Variants in ATP11B observed in about 807,000 individuals in gnomAD.
The protein encoded by ATP11B is ATPase phospholipid transporting 11B (putative).
ATP11B carries 81 observed loss-of-function variants against 157.8 expected under a neutral mutation model. The observed-to-expected ratio is 0.51, with a 90% CI of 0.43 to 0.62. The LOEUF is 0.62. Among genes scored for constraint, ATP11B ranks in the 20% least tolerant of loss-of-function variants. The pLI is 0.00. For missense variants in ATP11B, 1,165 were observed against 1,402.2 expected, an observed-to-expected ratio of 0.83 and a Z score of 2.70; for synonymous variants, 451 against 469.4, an observed-to-expected ratio of 0.96 and a Z score of 0.51.
chr3:182,821,195 T>A (rs1226736440), intron 2 of ATP11B, among the ~76,000 whole-genome samples: 1 of 152,132 alleles, frequency 6.6e-6, no homozygotes, highest in Non-Finnish European at 1.5e-5. Flanking sequence ...TTGCAACCTC[T>A]GCCTCTCGGG....
At chr3:182,894,536 A>G (rs960458104) in intron 25 of ATP11B, among the ~76,000 whole-genome samples, 7 of 152,176 alleles carry the variant, frequency 4.6e-5, no homozygotes, top group African/African-American at 1.4e-4. Flanking sequence ...CACTCACATT[A>G]TCACCTACCA....
intron 7 of ATP11B, among the ~76,000 whole-genome samples, chr3:182,841,105 G>C (rs373706270): frequency 6.6e-6 from 1 of 151,910 alleles, no homozygotes; most frequent in Non-Finnish European, 1.5e-5. Flanking sequence ...CTCCCACCTG[G>C]TCACTAGACC....
chr3:182,870,859 C>T (rs1462218081), intron 17 of ATP11B, among the ~76,000 whole-genome samples: 10 of 147,566 alleles, frequency 6.8e-5, no homozygotes, highest in African/African-American at 1.5e-4. Flanking sequence ...ACATAGGAGG[C>T]GGAGCTTGCA....
intron 2 of ATP11B, among the ~76,000 whole-genome samples, chr3:182,823,516 A>G (rs922755065): frequency 6.6e-6 from 1 of 152,090 alleles, no homozygotes; most frequent in Admixed American, 6.5e-5. Flanking sequence ...TGGTTACTGT[A>G]GCCTTGTAGT....
intron 10 of ATP11B, among the ~76,000 whole-genome samples, chr3:182,857,258 G>A (rs1720475008): frequency 6.6e-6 from 1 of 152,162 alleles, no homozygotes; most frequent in Admixed American, 6.5e-5. Flanking sequence ...CCATTCTCCT[G>A]CCTCAGCCTC....
chr3:182,826,352 T>C (rs1332252803), intron 2 of ATP11B, among the ~76,000 whole-genome samples: 4 of 152,238 alleles, frequency 2.6e-5, no homozygotes, highest in Non-Finnish European at 5.9e-5. Flanking sequence ...CTCTTCAGGA[T>C]TCTGGAATAC....
chr3:182,892,350 A>G (rs1723235606), intron 25 of ATP11B, among the ~76,000 whole-genome samples: 1 of 152,160 alleles, frequency 6.6e-6, no homozygotes. Context: ...AGTTTGTTGA[A>G]TGCTTCCTGT....
intron 29 of ATP11B, chr3:182,917,503 G>A (rs1270846836): frequency 2.0e-6 from 2 of 985,168 alleles, no homozygotes; most frequent in Non-Finnish European, 2.4e-6. Context: ...GTGACCTACA[G>A]GTGTCTTTGA....
At chr3:182,899,183 T>C (rs1445224892) in intron 28 of ATP11B, among the ~76,000 whole-genome samples, 1 of 146,776 alleles carries the variant, frequency 6.8e-6, no homozygotes, top group Non-Finnish European at 1.5e-5. Flanking sequence ...CGAGACGGAG[T>C]CTTGCTCTGT....
At chr3:182,845,126 T>C (rs1719403606) in intron 8 of ATP11B, among the ~76,000 whole-genome samples, 1 of 152,000 alleles carries the variant, frequency 6.6e-6, no homozygotes, top group African/African-American at 2.4e-5. Flanking sequence ...TGCCTTAGCC[T>C]CCTGAGTAGC....
intron 29 of ATP11B, chr3:182,915,162 C>T: frequency 1.0e-6 from 1 of 985,366 alleles, no homozygotes; most frequent in Non-Finnish European, 1.2e-6. Flanking sequence ...GTAACTTTTA[C>T]TGGTGAACTT....
intron 1 of ATP11B, among the ~76,000 whole-genome samples, chr3:182,801,751 T>C (rs2108483496): frequency 6.6e-6 from 1 of 152,328 alleles, no homozygotes; most frequent in Non-Finnish European, 1.5e-5. Context: ...TTTTTACAAG[T>C]GTAGAAATTT....
rs1036601064 is a variant in ATP11B, at chr3:182,856,252, T to TA, written c.852-1619dup. 9.8e-4 allele frequency among the ~76,000 whole-genome samples: 149 copies of TA among 152,212 alleles called. 2 individuals are homozygous for TA. The highest frequency in any genetic ancestry group is 3.1e-3 in the African/African-American group (130 of 41,544). ...GTTGGAAGTTAAAACTAATACACAG[T>TA]AAAAAAATTAGGTAATAGGAGCTGT... On this transcript the variant is annotated intron_variant, in intron 10 of 29. Coordinates refer to ENST00000323116, the MANE Select transcript of ATP11B (RefSeq NM_014616.3).
chr3:182,910,663 A>G (rs1724712119), intron 28 of ATP11B, among the ~76,000 whole-genome samples: 1 of 152,354 alleles, frequency 6.6e-6, no homozygotes, highest in Non-Finnish European at 1.5e-5. Flanking sequence ...TGTCTTGCAC[A>G]TATATGGATA....
At chr3:182,896,357 A>G (rs750915191) in intron 25 of ATP11B, among the ~76,000 whole-genome samples, 1 of 152,196 alleles carries the variant, frequency 6.6e-6, no homozygotes, top group Non-Finnish European at 1.5e-5. Context: ...CTTGTGATTG[A>G]AAAGGATTTT....
chr3:182,918,117 A>T lies in ATP11B; in HGVS notation c.*13A>T. 3.1e-6 allele frequency: 5 copies of T among 1,612,018 alleles called. No individual in the cohort carries two copies. Among genetic ancestry groups the T allele is most frequent in the Non-Finnish European group, 4.2e-6 (5 of 1,178,820 alleles). On this transcript the variant is annotated 3_prime_UTR_variant, in exon 30 of 30. Coordinates refer to ENST00000323116, the MANE Select transcript of ATP11B (RefSeq NM_014616.3). Reference sequence around the variant, plus strand: ...ATCTACTTGTTAAAGGGGCAGTAGTACTTTGTGGGAGCCAGTTCACCTCCT... The same window carrying T: ...ATCTACTTGTTAAAGGGGCAGTAGTTCTTTGTGGGAGCCAGTTCACCTCCT...
At chr3:182,842,219 C>A in intron 8 of ATP11B, 97 bp downstream of exon 8, 1 of 849,560 alleles carries the variant, frequency 1.2e-6, no homozygotes, top group South Asian at 1.5e-5. Context: ...ATAAGCAGCC[C>A]ATCATGGGAA....
Position 182,886,085 on chromosome 3 carries a change from G to A in ATP11B, c.2715+75G>A, listed in dbSNP as rs148196408. On this transcript the variant is annotated intron_variant, in intron 23 of 29. Transcript: ENST00000323116. Reference sequence around the variant, plus strand: ...TATGTATGTTCAGATTTTGATAGACGTTTGAAGGGACTTTTTTCATTTTTC... The same window carrying A: ...TATGTATGTTCAGATTTTGATAGACATTTGAAGGGACTTTTTTCATTTTTC... 6.0e-6 allele frequency: 6 copies of A among 992,680 alleles called. No homozygotes were observed. The South Asian group carries it at 1.0e-4, about 17-fold the overall frequency. The allele number at this position is 992,680 out of a possible 1,614,324, so 61.5% of individuals were successfully genotyped here. A position where few individuals can be genotyped will look rare whatever the true frequency, so the allele number is the denominator to read the frequency against.
chr3:182,915,069 G>GA, intron 29 of ATP11B: 1 of 985,196 alleles, frequency 1.0e-6, no homozygotes. Context: ...CTATCTACTG[G>GA]AAAAAGGATT....
Sources: gnomAD v4.1 joint callset for allele counts (sites outside exome capture counted in the v4.1 genomes callset) on GRCh38, gnomAD v4.1.1 for gene constraint, MANE v1.5 for transcripts, NCBI Gene and HGNC (gene_info 2026-07-23, HGNC 2026-07-21) for gene names.